The following CTSO variants were observed in gnomAD, a reference collection of about 807,000 sequenced individuals.
CTSO encodes cathepsin O.
Under a neutral mutation model 42.4 loss-of-function variants are expected in CTSO, and 40 were observed. The observed-to-expected ratio is 0.94, with a 90% confidence interval of 0.73 to 1.23. CTSO has a LOEUF of 1.23. Ranked by LOEUF, CTSO falls within the 50% of genes most tolerant of loss-of-function variation. The pLI, the probability that CTSO is intolerant of heterozygous loss-of-function variation, is 0.00. For synonymous variants in CTSO, 156 were observed against 146.2 expected, an observed-to-expected ratio of 1.07 and a Z score of -0.48; for missense variants, 441 against 396.0, an observed-to-expected ratio of 1.11 and a Z score of -0.96.
rs1164724561 is a variant in CTSO at position 155,937,495 on chromosome 4, C to G, written c.553-12G>C. 6.2e-7 allele frequency: 1 copy of G among 1,610,914 alleles called. No homozygotes were observed. On this transcript the variant is annotated splice_polypyrimidine_tract_variant and intron_variant, in intron 4 of 7. Coordinates refer to ENST00000433477, the MANE Select transcript of CTSO (RefSeq NM_001334.3). ...AGTTTTACTTGCATCTAAAAGAAAA[C>G]AATCACTGAACATGTTTACTGTCAA... is the stretch of plus-strand genomic sequence containing the variant.
intron 1 of CTSO, among the ~76,000 whole-genome samples, chr4:155,952,627 G>A (rs777110135): frequency 2.6e-5 from 4 of 152,172 alleles, no homozygotes; most frequent in Non-Finnish European, 5.9e-5. Context: ...GAATAATAAA[G>A]TGGAGATAAC....
Position 155,953,854 on chromosome 4 carries a change from G to A in CTSO, c.-7C>T. 4.7e-6 allele frequency: 6 copies of A among 1,274,250 alleles called. No homozygotes were observed. The East Asian group carries it at 1.6e-4, about 33-fold the overall frequency. The allele number at this position is 1,274,250 out of a possible 1,614,324, so 78.9% of individuals were successfully genotyped here. ...GCAGCGCCCGCACGTCCATTGCGGC[G>A]CCCGGCTCCTCTGCCGCCCGCGCGG... On this transcript the variant is annotated 5_prime_UTR_variant, in exon 1 of 8. Coordinates refer to ENST00000433477, the MANE Select transcript of CTSO (RefSeq NM_001334.3).
intron 5 of CTSO, among the ~76,000 whole-genome samples, chr4:155,935,855 T>C (rs1743320452): frequency 6.6e-6 from 1 of 152,204 alleles, no homozygotes; most frequent in African/African-American, 2.4e-5. Context: ...CTGTTAGAGT[T>C]TAATCTTCAA....
intron 1 of CTSO, among the ~76,000 whole-genome samples, chr4:155,945,811 G>A (rs1469150760): frequency 6.6e-6 from 1 of 152,062 alleles, no homozygotes; most frequent in Non-Finnish European, 1.5e-5. Context: ...TTGTGACCAA[G>A]TGAAGTTTAT....
chr4:155,945,574 T>C (rs1009081226), intron 1 of CTSO, among the ~76,000 whole-genome samples: 8 of 152,174 alleles, frequency 5.3e-5, no homozygotes, highest in African/African-American at 1.9e-4. Flanking sequence ...TGGTGAACTT[T>C]ATACAATGAA....
intron 1 of CTSO, among the ~76,000 whole-genome samples, chr4:155,951,785 C>T (rs1434981965): frequency 6.6e-6 from 1 of 152,144 alleles, no homozygotes; most frequent in Non-Finnish European, 1.5e-5. Context: ...TTCCACCTTT[C>T]CCACTGTCCA....
chr4:155,939,305 T>C lies in CTSO; in HGVS notation c.552+66A>G, dbSNP rs963226216. On this transcript the variant is annotated intron_variant, in intron 4 of 7. Transcript: ENST00000433477. Reference sequence around the variant, plus strand: ...AATATATGTGAACAAACTGTTTGAATTTTGAACACACAGTAAACAAGCAAA... The same window carrying C: ...AATATATGTGAACAAACTGTTTGAACTTTGAACACACAGTAAACAAGCAAA... 8 of 1,381,590 alleles carry C rather than the reference T, an allele frequency of 5.8e-6. No homozygotes were observed. In the East Asian group the frequency reaches 1.6e-4, roughly 28 times the overall value. The allele number at this position is 1,381,590 out of a possible 1,614,324, so 85.6% of individuals were successfully genotyped here. A position where few individuals can be genotyped will look rare whatever the true frequency, so the allele number is the denominator to read the frequency against.
intron 1 of CTSO, 97 bp downstream of exon 1, chr4:155,953,616 A>C: frequency 8.2e-7 from 1 of 1,219,982 alleles, no homozygotes; most frequent in Non-Finnish European, 1.0e-6. Flanking sequence ...GGTGCCCACG[A>C]GCAGGGTCAG....
chr4:155,938,469 G>T (rs140841110), intron 4 of CTSO, among the ~76,000 whole-genome samples: 63 of 152,274 alleles, frequency 4.1e-4, no homozygotes, highest in African/African-American at 1.5e-3. Flanking sequence ...AGTTGATATC[G>T]GATCTGGGAC....
At chr4:155,951,431 G>A (rs1380494186) in intron 1 of CTSO, among the ~76,000 whole-genome samples, 2 of 152,150 alleles carry the variant, frequency 1.3e-5, no homozygotes, top group Non-Finnish European at 2.9e-5. Flanking sequence ...GATAAGGGGT[G>A]CCATCCAAAG....
At position 155,953,112 on chromosome 4, in the gene CTSO, A is replaced by C. The variant is rs183488681; in HGVS notation, c.135+601T>G. On this transcript the variant is annotated intron_variant, in intron 1 of 7. Transcript: ENST00000433477. ...TATTTCGTATAATAATATGAAAAGGAAATTAAATGCTTCTCTTTTCTTCAA... is the reference window on the plus strand; with the variant it reads ...TATTTCGTATAATAATATGAAAAGGCAATTAAATGCTTCTCTTTTCTTCAA... Among the ~76,000 whole-genome samples, 467 of 151,746 alleles carry C rather than the reference A, an allele frequency of 3.1e-3. 1 individual carries two copies. The highest frequency in any genetic ancestry group is 4.9e-3 in the Non-Finnish European group (332 of 67,916).
At chr4:155,943,852 C>T (rs1743484203) in intron 1 of CTSO, among the ~76,000 whole-genome samples, 1 of 152,152 alleles carries the variant, frequency 6.6e-6, no homozygotes, top group Admixed American at 6.5e-5. Flanking sequence ...GTTTCTCTAT[C>T]TGGAGGGGAA....
chr4:155,926,042 A>G lies in CTSO; in HGVS notation c.960T>C (p.Phe320=), dbSNP rs1234073555. The change falls in exon 8 of 8, where the codon TTT becomes TTC. Residue 320 remains phenylalanine (F), a synonymous_variant. Transcript: ENST00000433477. ...CGIADSVSSI[F]V ...TCTTGATCTGCCCAACATGTCACAC[A>G]AATATAGAAGAAACGGAATCTGCAA... 6.2e-7 allele frequency: 1 copy of G among 1,603,772 alleles called. No individual in the cohort carries two copies. Among genetic ancestry groups the G allele is most frequent in the Admixed American group, 1.7e-5 (1 of 57,862 alleles).
At chr4:155,953,645 C>G in intron 1 of CTSO, 68 bp downstream of exon 1, 1 of 1,230,748 alleles carries the variant, frequency 8.1e-7, no homozygotes, top group South Asian at 4.1e-5. Context: ...GGCCCTCTTC[C>G]GCAGCCCAGA....
intron 1 of CTSO, 36 bp from the exon 2 acceptor site, chr4:155,943,300 T>A (rs763689359): frequency 7.5e-7 from 1 of 1,328,414 alleles, no homozygotes; most frequent in African/African-American, 1.5e-5. Context: ...ATATCCACTA[T>A]GTCAGTTTTC....
intron 6 of CTSO, among the ~76,000 whole-genome samples, chr4:155,928,963 G>A (rs1184671524): frequency 2.6e-5 from 4 of 152,120 alleles, no homozygotes; most frequent in South Asian, 2.1e-4. Flanking sequence ...TGACATGTTC[G>A]TGATGGCCAT....
intron 5 of CTSO, among the ~76,000 whole-genome samples, chr4:155,931,622 C>A (rs547544225): frequency 1.3e-5 from 2 of 151,956 alleles, no homozygotes; most frequent in African/African-American, 4.8e-5. Flanking sequence ...AAATAATGCT[C>A]CAGACAGCAT....
chr4:155,929,705 A>C lies in CTSO; in HGVS notation c.675T>G (p.Ser225Arg). The C allele has an allele frequency of 6.2e-7, 1 of 1,609,284 alleles. No individual in the cohort carries two copies. Among genetic ancestry groups the C allele is most frequent in the Non-Finnish European group, 8.5e-7 (1 of 1,178,842 alleles). Residue 225 changes from serine (S) to arginine (R), a missense_variant and splice_region_variant, in exon 6 of 8, where the codon AGT becomes AGG. Ser to Arg is a moderately radical substitution (Grantham distance 110). Coordinates refer to ENST00000433477, the MANE Select transcript of CTSO (RefSeq NM_001334.3). Reference protein sequence around the residue: ...SIKGYSAYDFSDQEDEMAKAL... With the variant: ...SIKGYSAYDFRDQEDEMAKAL... ...CTTTTGCCATTTCATCTTCTTGGTC[A>C]CTACCAAAAGAGGAAATATTTGGTT...
chr4:155,931,221 T>C (rs961548154), intron 5 of CTSO, among the ~76,000 whole-genome samples: 1 of 152,158 alleles, frequency 6.6e-6, no homozygotes, highest in Admixed American at 6.6e-5. Context: ...TCAAAATTCT[T>C]AGCATAGTTC....
Sources: gnomAD v4.1 joint callset for allele counts (sites outside exome capture counted in the v4.1 genomes callset) on GRCh38, gnomAD v4.1.1 for gene constraint, MANE v1.5 for transcripts, NCBI Gene and HGNC (gene_info 2026-07-23, HGNC 2026-07-21) for gene names.